Variants in CDK14 observed in about 807,000 individuals in gnomAD.
The protein encoded by CDK14 is cyclin-dependent kinase 14.
Under a neutral mutation model 60.7 loss-of-function variants are expected in CDK14, and 34 were observed. The ratio of observed to expected loss-of-function variants is 0.56; its 90% confidence interval spans 0.43 to 0.75. The LOEUF (loss-of-function observed/expected upper bound fraction) is 0.75, where lower values mean the gene tolerates loss of function less well. Ranked by LOEUF, CDK14 falls within the 30% of genes least tolerant of loss-of-function variation. The pLI, the probability that CDK14 is intolerant of heterozygous loss-of-function variation, is 0.00. For missense variants in CDK14, 482 were observed against 564.1 expected (o/e 0.85, Z 1.47); for synonymous variants, 197 against 203.7 (o/e 0.97, Z 0.28).
chr7:90,615,881 G>A (rs1243792197), intron 2 of CDK14, among the ~76,000 whole-genome samples: 5 of 152,100 alleles, frequency 3.3e-5, no homozygotes, highest in African/African-American at 7.2e-5. Flanking sequence ...AAATATTCAC[G>A]CACCTTGAAA....
intron 2 of CDK14, among the ~76,000 whole-genome samples, chr7:90,624,559 T>C (rs915825763): frequency 1.3e-5 from 2 of 152,184 alleles, no homozygotes; most frequent in Admixed American, 6.5e-5. Context: ...ACTGGCAGTT[T>C]GGCTAAGAGG....
intron 4 of CDK14, among the ~76,000 whole-genome samples, chr7:90,769,374 A>G (rs979250680): frequency 1.3e-5 from 2 of 152,160 alleles, no homozygotes; most frequent in Non-Finnish European, 2.9e-5. Flanking sequence ...AGTGAAAAGC[A>G]TATCAGAATG....
intron 12 of CDK14, among the ~76,000 whole-genome samples, chr7:91,088,366 A>G (rs1798699671): frequency 6.6e-6 from 1 of 152,220 alleles, no homozygotes; most frequent in South Asian, 2.1e-4. Flanking sequence ...TGGCAGTGAC[A>G]TTTACTTTAA....
intron 10 of CDK14, 86 bp from the exon 11 acceptor site, chr7:91,045,811 T>C: frequency 2.5e-6 from 2 of 798,098 alleles, no homozygotes; most frequent in East Asian, 2.5e-5. Context: ...TTTCATAATA[T>C]GTAGTGTACT....
At chr7:91,086,314 C>T (rs1200317040) in intron 12 of CDK14, among the ~76,000 whole-genome samples, 60 of 152,300 alleles carry the variant, frequency 3.9e-4, no homozygotes, top group Non-Finnish European at 2.9e-5. Flanking sequence ...ACATTCCTTT[C>T]CCTGCCTCCT....
intron 2 of CDK14, among the ~76,000 whole-genome samples, chr7:90,722,700 C>G (rs1802500990): frequency 6.6e-6 from 1 of 151,968 alleles, no homozygotes; most frequent in Non-Finnish European, 1.5e-5. Context: ...TGGTTTTTCA[C>G]AGGTGCATAG....
intron 4 of CDK14, among the ~76,000 whole-genome samples, chr7:90,773,252 G>A (rs1804861273): frequency 6.6e-6 from 1 of 152,120 alleles, no homozygotes; most frequent in African/African-American, 2.4e-5. Context: ...TGTGGTTCAT[G>A]CTTTAATTAT....
chr7:90,814,128 G>T (rs1789252243), intron 5 of CDK14, among the ~76,000 whole-genome samples: 1 of 152,090 alleles, frequency 6.6e-6, no homozygotes, highest in African/African-American at 2.4e-5. Context: ...TAGTCTCAAA[G>T]ATCTTAAAAT....
At chr7:90,799,123 A>G (rs1356642734) in intron 5 of CDK14, among the ~76,000 whole-genome samples, 1 of 152,190 alleles carries the variant, frequency 6.6e-6, no homozygotes, top group Non-Finnish European at 1.5e-5. Flanking sequence ...GTCTCTTTTC[A>G]TAGATTCTTG....
At chr7:90,797,833 C>T (rs1045029576) in intron 5 of CDK14, among the ~76,000 whole-genome samples, 1 of 151,870 alleles carries the variant, frequency 6.6e-6, no homozygotes, top group African/African-American at 2.4e-5. Flanking sequence ...GATATGACAA[C>T]ACGAAGGGGG....
chr7:91,209,992 T>C lies in CDK14; in HGVS notation c.*2856T>C, dbSNP rs1803018439. ...TATAATCAATACCCTAGGTTATGCG[T>C]CTATATGATACTCATCTGTGAATAT... On this transcript the variant is annotated 3_prime_UTR_variant, in exon 15 of 15. Transcript: ENST00000380050. 1 of 152,638 alleles carries C rather than the reference T, an allele frequency of 6.6e-6. No individual in the cohort carries two copies. Among genetic ancestry groups the C allele is most frequent in the African/African-American group, 2.4e-5 (1 of 41,456 alleles). 9.5% of individuals were successfully genotyped at this position (152,638 alleles called of 1,614,324 possible). A position where few individuals can be genotyped will look rare whatever the true frequency, so the allele number is the denominator to read the frequency against.
Position 90,996,393 on chromosome 7 carries a change from G to T in CDK14, c.1041+12152G>T, listed in dbSNP as rs115447218. Among the ~76,000 whole-genome samples, 1,239 of 152,102 alleles carry T rather than the reference G, an allele frequency of 8.1e-3. 26 individuals carry two copies. The highest frequency in any genetic ancestry group is 0.026 in the African/African-American group (1,071 of 41,482). On this transcript the variant is annotated intron_variant, in intron 10 of 14. Transcript: ENST00000380050. ...GACCTTGTATCATCTCTTGCCCAACGCCCTGCAAGAAAAAAGCCTCCTCAA... is the reference window on the plus strand; with the variant it reads ...GACCTTGTATCATCTCTTGCCCAACTCCCTGCAAGAAAAAAGCCTCCTCAA...
At chr7:90,663,604 T>C (rs1405468862) in intron 2 of CDK14, among the ~76,000 whole-genome samples, 1 of 152,248 alleles carries the variant, frequency 6.6e-6, no homozygotes, top group Non-Finnish European at 1.5e-5. Context: ...TTCAATATTT[T>C]GGTCATACTC....
intron 4 of CDK14, among the ~76,000 whole-genome samples, chr7:90,760,349 A>G (rs181303444): frequency 3.0e-4 from 46 of 152,322 alleles, no homozygotes; most frequent in Admixed American, 2.8e-3. Flanking sequence ...AAACACTATC[A>G]GGAGGAGTTT....
rs561619049 is a variant in CDK14, at chr7:90,759,595, A to G, written c.464+11820A>G. 5.3e-5 allele frequency among the ~76,000 whole-genome samples: 8 copies of G among 152,224 alleles called. No homozygotes were observed. In the East Asian group the frequency reaches 9.6e-4, roughly 18 times the overall value. On this transcript the variant is annotated intron_variant, in intron 4 of 14. Transcript: ENST00000380050. ...CATAGTGGGACCCATATTCTCCTCA[A>G]TGTACTTTGATCTGCTGGTAGATCA...
intron 5 of CDK14, among the ~76,000 whole-genome samples, chr7:90,859,901 C>T (rs1335013359): frequency 6.6e-6 from 1 of 151,984 alleles, no homozygotes; most frequent in African/African-American, 2.4e-5. Flanking sequence ...AAATGAATTA[C>T]TACAAGTTAT....
At chr7:91,058,334 C>T (rs1227048205) in intron 11 of CDK14, among the ~76,000 whole-genome samples, 3 of 152,112 alleles carry the variant, frequency 2.0e-5, no homozygotes, top group Admixed American at 1.3e-4. Context: ...TCTAGATATA[C>T]AATCATGTCA....
chr7:91,113,541 T>A (rs192512979), intron 13 of CDK14, among the ~76,000 whole-genome samples: 2 of 152,226 alleles, frequency 1.3e-5, no homozygotes, highest in African/African-American at 4.8e-5. Flanking sequence ...AATGGTGATA[T>A]GTTCTTTCCA....
chr7:90,853,170 T>C (rs1790705801), intron 5 of CDK14, among the ~76,000 whole-genome samples: 1 of 152,162 alleles, frequency 6.6e-6, no homozygotes, highest in Admixed American at 6.5e-5. Flanking sequence ...GATTTTAGAA[T>C]TGTAGTGGGA....
Sources: allele counts gnomAD v4.1 joint callset (sites outside exome capture counted in the v4.1 genomes callset), GRCh38; gene constraint gnomAD v4.1.1; transcripts MANE v1.5; gene names NCBI Gene and HGNC (gene_info 2026-07-23, HGNC 2026-07-21).